CTXND1: variants seen among roughly 807,000 people sequenced by gnomAD.
CTXND1 encodes the protein cortexin domain-containing 1 protein.
intron 1 of CTXND1, among the ~76,000 whole-genome samples, chr15:80,249,687 C>T (rs1025978267): frequency 2.6e-5 from 4 of 152,202 alleles, no homozygotes; most frequent in African/African-American, 9.7e-5. Flanking sequence ...CCCACAAATG[C>T]CAGTGTTCTT....
intron 1 of CTXND1, among the ~76,000 whole-genome samples, chr15:80,224,092 C>T (rs1268645495): frequency 4.6e-5 from 7 of 152,170 alleles, no homozygotes; most frequent in Admixed American, 3.3e-4. Flanking sequence ...GCTGCTCTGA[C>T]GATCACTAAG....
In CTXND1 at chr15:80,195,909, G is replaced by A. The variant is rs1200181741; in HGVS notation, c.*5861C>T. ...TGCTTCCACCAGGGAATATAGTTAT[G>A]GGTCTGTTAAATTGGAAGATGATCT... On this transcript the variant is annotated 3_prime_UTR_variant, in exon 3 of 3. Transcript: ENST00000560778. The A allele has an allele frequency of 6.6e-6, 1 of 152,176 alleles. No homozygotes were observed. Among genetic ancestry groups the A allele is most frequent in the Admixed American group, 6.5e-5 (1 of 15,270 alleles). The allele number at this position is 152,176 out of a possible 1,614,324, so 9.4% of individuals were successfully genotyped here. A position where few individuals can be genotyped will look rare whatever the true frequency, so the allele number is the denominator to read the frequency against.
intron 1 of CTXND1, among the ~76,000 whole-genome samples, chr15:80,241,612 G>A (rs1045723106): frequency 1.3e-5 from 2 of 152,202 alleles, no homozygotes; most frequent in Admixed American, 1.3e-4. Flanking sequence ...CAGGGTGGGT[G>A]CTCAGTAACC....
intron 1 of CTXND1, among the ~76,000 whole-genome samples, chr15:80,204,748 T>G (rs761660601): frequency 1.3e-5 from 2 of 151,782 alleles, no homozygotes; most frequent in Non-Finnish European, 2.9e-5. Context: ...TAAATAGTGC[T>G]GCTATGAATG....
intron 1 of CTXND1, among the ~76,000 whole-genome samples, chr15:80,214,560 TAATTACA>T (rs1422230866): frequency 6.6e-6 from 1 of 152,152 alleles, no homozygotes; most frequent in Non-Finnish European, 1.5e-5. Context: ...AATTAAGCTG[TAATTACA>T]GAAGATTTAG....
At chr15:80,224,814 G>A (rs1045987350) in intron 1 of CTXND1, among the ~76,000 whole-genome samples, 3 of 152,166 alleles carry the variant, frequency 2.0e-5, no homozygotes, top group African/African-American at 4.8e-5. Context: ...CTTGATCTTA[G>A]CTCACTGCAA....
intron 1 of CTXND1, among the ~76,000 whole-genome samples, chr15:80,212,002 A>G (rs1017920718): frequency 1.7e-4 from 26 of 152,286 alleles, no homozygotes; most frequent in East Asian, 1.2e-3. Flanking sequence ...GTGTATAGAG[A>G]GCTGGAAGTG....
intron 1 of CTXND1, among the ~76,000 whole-genome samples, chr15:80,221,262 G>A (rs1470376832): frequency 1.3e-5 from 2 of 152,180 alleles, no homozygotes; most frequent in Middle Eastern, 3.4e-3. Flanking sequence ...CATAATGCCC[G>A]CCAAGAACAG....
chr15:80,222,764 CT>C (rs1268048654), intron 1 of CTXND1, among the ~76,000 whole-genome samples: 2 of 151,976 alleles, frequency 1.3e-5, no homozygotes, highest in Non-Finnish European at 2.9e-5. Context: ...TTTACTGCAT[CT>C]TTTTTAAAAA....
chr15:80,202,346 C>T lies in CTXND1; in HGVS notation c.-65-332G>A, dbSNP rs569272260. ...GATAGAGGCCCTGCAGCTGCCTCCA[C>T]TCCATGAAACCCTTTAGAAAGGCAG... On this transcript the variant is annotated intron_variant, in intron 2 of 2. Transcript: ENST00000560778. Among the ~76,000 whole-genome samples the T allele has an allele frequency of 6.8e-4, 103 of 152,290 alleles. 1 individual carries two copies. The highest frequency in any genetic ancestry group is 2.2e-3 in the African/African-American group (92 of 41,558).
At chr15:80,212,194 G>C (rs1415537975) in intron 1 of CTXND1, among the ~76,000 whole-genome samples, 1 of 152,196 alleles carries the variant, frequency 6.6e-6, no homozygotes, top group Non-Finnish European at 1.5e-5. Flanking sequence ...CACCCTTGCT[G>C]GGCTTCTTTC....
At chr15:80,230,464 T>C (rs1893416119) in intron 1 of CTXND1, among the ~76,000 whole-genome samples, 2 of 152,224 alleles carry the variant, frequency 1.3e-5, no homozygotes, top group Admixed American at 6.5e-5. Context: ...ATTTGCTTCA[T>C]CAGTTTATCA....
At chr15:80,242,791 TC>T (rs1328906359) in intron 1 of CTXND1, among the ~76,000 whole-genome samples, 2 of 152,032 alleles carry the variant, frequency 1.3e-5, no homozygotes, top group African/African-American at 2.4e-5. Context: ...GCTGCCAGAG[TC>T]CCCTTTACAC....
intron 1 of CTXND1, among the ~76,000 whole-genome samples, chr15:80,204,476 A>G (rs1893126147): frequency 6.6e-6 from 1 of 150,904 alleles, no homozygotes; most frequent in Admixed American, 6.6e-5. Flanking sequence ...CCACCATTCT[A>G]CTTTATGTCT....
intron 1 of CTXND1, among the ~76,000 whole-genome samples, chr15:80,205,681 G>A (rs575373542): frequency 1.3e-5 from 2 of 152,092 alleles, no homozygotes; most frequent in African/African-American, 4.8e-5. Flanking sequence ...CAGACCCCTC[G>A]TTCATCTTTC....
chr15:80,244,737 T>C (rs1409994665), intron 1 of CTXND1, among the ~76,000 whole-genome samples: 1 of 152,202 alleles, frequency 6.6e-6, no homozygotes, highest in African/African-American at 2.4e-5. Flanking sequence ...TTCCTGAGGA[T>C]GCTGATGCTG....
chr15:80,215,263 CTGG>C (rs2142126994), intron 1 of CTXND1, among the ~76,000 whole-genome samples: 1 of 152,292 alleles, frequency 6.6e-6, no homozygotes, highest in South Asian at 2.1e-4. Flanking sequence ...CTTCTGAGAG[CTGG>C]GGGAATCGTG....
At position 80,195,537 on chromosome 15, in the gene CTXND1, A is replaced by G. The variant is rs2041415852; in HGVS notation, c.*6233T>C. 6.6e-6 allele frequency: 1 copy of G among 152,262 alleles called. No homozygotes were observed. The highest frequency in any genetic ancestry group is 2.4e-5 in the African/African-American group (1 of 41,460). The allele number at this position is 152,262 out of a possible 1,614,324, so 9.4% of individuals were successfully genotyped here. A position where few individuals can be genotyped will look rare whatever the true frequency, so the allele number is the denominator to read the frequency against. The stretch of plus-strand genomic sequence containing the variant: ...CACGATTTTGGAGGCTGCAAAATAC[A>G]AGATCAAGGAACCAGCATCTGGTGA... On this transcript the variant is annotated 3_prime_UTR_variant, in exon 3 of 3. Transcript: ENST00000560778.
intron 1 of CTXND1, among the ~76,000 whole-genome samples, chr15:80,232,996 G>T (rs1893448930): frequency 1.6e-5 from 2 of 124,612 alleles, no homozygotes; most frequent in Admixed American, 9.8e-5. Context: ...AAGCTGGATT[G>T]CAGTGGCGCG....
Sources: gnomAD v4.1 joint callset for allele counts (sites outside exome capture counted in the v4.1 genomes callset) on GRCh38, gnomAD v4.1.1 for gene constraint, MANE v1.5 for transcripts, NCBI Gene and HGNC (gene_info 2026-07-23, HGNC 2026-07-21) for gene names.